PRKCH: variants seen among roughly 807,000 people sequenced by gnomAD.
PRKCH encodes the protein protein kinase C eta, also known as protein kinase C eta type.
PRKCH carries 28 observed loss-of-function variants against 82.5 expected under a neutral mutation model. The observed-to-expected ratio is 0.34, with a 90% CI of 0.25 to 0.47. The LOEUF (loss-of-function observed/expected upper bound fraction) is 0.47, where lower values mean the gene tolerates loss of function less well. Ranked by LOEUF, PRKCH falls within the 20% of genes least tolerant of loss-of-function variation. The pLI is 1.00. For synonymous variants in PRKCH, 322 were observed against 327.4 expected (o/e 0.98, Z 0.18); for missense variants, 705 against 881.8 (o/e 0.80, Z 2.54).
intron 2 of PRKCH, among the ~76,000 whole-genome samples, chr14:61,392,256 C>G (rs932582628): frequency 1.3e-5 from 2 of 152,038 alleles, no homozygotes; most frequent in African/African-American, 4.8e-5. Context: ...ATAACACTTT[C>G]ATTTATCTTG....
intron 2 of PRKCH, among the ~76,000 whole-genome samples, chr14:61,438,067 A>G (rs965716241): frequency 6.6e-6 from 1 of 152,142 alleles, no homozygotes; most frequent in Non-Finnish European, 1.5e-5. Flanking sequence ...CAAGTCCTCA[A>G]ATGGCCCTAT....
At position 61,189,399 on chromosome 14, in the gene PRKCH, T is replaced by A. The variant is rs1317027353; in HGVS notation, c.-19+1731T>A. Among the ~76,000 whole-genome samples, 7 of 67,466 alleles carry A rather than the reference T, an allele frequency of 1.0e-4. No homozygotes were observed. In the East Asian group the frequency reaches 2.9e-3, roughly 28 times the overall value. The allele number at this position is 67,466 out of a possible 152,430, so 44.3% of individuals were successfully genotyped here. On this transcript the variant is annotated intron_variant, in intron 1 of 3. Coordinates refer to the PRKCH transcript ENST00000555185. Reference sequence around the variant, plus strand: ...GGGATGGAAGTGTGCCCCGACTCTGTAAGATATTCCCCTTCTCGGAGTTGT... The same window carrying A: ...GGGATGGAAGTGTGCCCCGACTCTGAAAGATATTCCCCTTCTCGGAGTTGT...
chr14:61,447,384 C>T (rs1884278246), intron 4 of PRKCH, among the ~76,000 whole-genome samples: 1 of 152,120 alleles, frequency 6.6e-6, no homozygotes, highest in South Asian at 2.1e-4. Flanking sequence ...TTGATAGATC[C>T]AGCAGGCAGG....
At chr14:61,462,995 C>T (rs1885096866) in intron 9 of PRKCH, 1 of 152,256 alleles carries the variant, frequency 6.6e-6, no homozygotes. Flanking sequence ...GATTCAGCCT[C>T]GGCTTAAGCA....
chr14:61,232,499 G>A (rs2140060218), intron 1 of PRKCH, among the ~76,000 whole-genome samples: 1 of 152,348 alleles, frequency 6.6e-6, no homozygotes, highest in South Asian at 2.1e-4. Flanking sequence ...GGGATTACAG[G>A]CGTGAGCCAC....
intron 6 of PRKCH, among the ~76,000 whole-genome samples, chr14:61,451,972 T>C (rs1884530033): frequency 6.6e-6 from 1 of 152,162 alleles, no homozygotes; most frequent in Admixed American, 6.5e-5. Flanking sequence ...TTGTAGGGCG[T>C]TGGTCCAGGT....
rs1015198006 is a variant in PRKCH at position 61,322,454 on chromosome 14, T to A, written c.353T>A (p.Phe118Tyr). 3.8e-6 allele frequency: 6 copies of A among 1,595,636 alleles called. No homozygotes were observed. The highest frequency in any genetic ancestry group is 5.1e-6 in the Non-Finnish European group (6 of 1,165,470). Residue 118 changes from phenylalanine (F) to tyrosine (Y), a missense_variant, in exon 1 of 14, where the codon TTC (phenylalanine) becomes TAC (tyrosine). By Grantham distance (22) the Phe-to-Tyr change is conservative. Coordinates refer to ENST00000332981, the MANE Select transcript of PRKCH (RefSeq NM_006255.5). ...LLRTTGASDT[F>Y]EGWVDLEPEG... ...CGCACGACCGGCGCCTCGGACACCTTCGAGGGTTGGGTGAGTAGCGGTGAC... is the reference window on the plus strand; with the variant it reads ...CGCACGACCGGCGCCTCGGACACCTACGAGGGTTGGGTGAGTAGCGGTGAC...
At chr14:61,433,708 ATT>A (rs1278332820) in intron 2 of PRKCH, among the ~76,000 whole-genome samples, 3 of 152,242 alleles carry the variant, frequency 2.0e-5, no homozygotes, top group Admixed American at 2.0e-4. Context: ...TAACTTTAGT[ATT>A]AGTGGCTACA....
At chr14:61,391,385 G>T in intron 2 of PRKCH, 97 bp downstream of exon 2, 1 of 1,057,598 alleles carries the variant, frequency 9.5e-7, no homozygotes, top group Non-Finnish European at 1.3e-6. Flanking sequence ...AGAGCATGTT[G>T]TAAGAGATGC....
chr14:61,389,698 CAAAA>C (rs112924735), intron 1 of PRKCH, among the ~76,000 whole-genome samples: 1 of 104,782 alleles, frequency 9.5e-6, no homozygotes, highest in Non-Finnish European at 2.1e-5. Flanking sequence ...GACCCTGTCT[CAAAA>C]AAAAAAAAAA....
In PRKCH at chr14:61,280,974, G is replaced by A. The variant is rs1190195416; in HGVS notation, c.-19+93306G>A. 1 of 1,542,966 alleles carries A rather than the reference G, an allele frequency of 6.5e-7. No individual in the cohort carries two copies. The highest frequency in any genetic ancestry group is 8.7e-7 in the Non-Finnish European group (1 of 1,147,076). On this transcript the variant is annotated intron_variant, in intron 1 of 3. Transcript: ENST00000555185. This position sits in a 1 kb window ranked among gnomAD's most constrained non-coding sequence, Gnocchi z 5.0. ...AGTCGTACTCCAGCTCCTTGATGCC[G>A]TTGGAGGAGTAGTAGAGGCCCAGGC...
At chr14:61,318,197 C>T (rs1246553974), upstream of PRKCH, among the ~76,000 whole-genome samples, 2 of 151,914 alleles carry the variant, frequency 1.3e-5, no homozygotes, top group Admixed American at 6.6e-5. Flanking sequence ...CCTCAGCATC[C>T]GAGTAGCTGA....
At chr14:61,438,697 C>T (rs2140271026) in intron 2 of PRKCH, among the ~76,000 whole-genome samples, 1 of 152,216 alleles carries the variant, frequency 6.6e-6, no homozygotes, top group South Asian at 2.1e-4. Context: ...ACATGACCAA[C>T]ACAAGTTTCA....
chr14:61,336,274 A>G (rs1185114094), intron 1 of PRKCH, among the ~76,000 whole-genome samples: 1 of 152,144 alleles, frequency 6.6e-6, no homozygotes, highest in Non-Finnish European at 1.5e-5. Flanking sequence ...TTTTGCTTTT[A>G]ATGTAGGATT....
upstream of PRKCH, among the ~76,000 whole-genome samples, chr14:61,320,986 A>T (rs1224538396): frequency 6.6e-6 from 1 of 152,206 alleles, no homozygotes; most frequent in Non-Finnish European, 1.5e-5. Context: ...GTGCAACAAG[A>T]CACACCTTCC....
chr14:61,280,755 C>A lies in PRKCH; in HGVS notation c.-19+93087C>A. ...GCGCGCTGGGGAGTCCGCTCAGCTG[C>A]GCGTCGTCGCGGGACACGCCGTAGC... On this transcript the variant is annotated intron_variant, in intron 1 of 3. Coordinates refer to the PRKCH transcript ENST00000555185. The surrounding 1 kb of genome is among the most constrained non-coding windows in gnomAD (Gnocchi z 5.0). 6.4e-7 allele frequency: 1 copy of A among 1,560,300 alleles called. No individual in the cohort carries two copies. The highest frequency in any genetic ancestry group is 8.6e-7 in the Non-Finnish European group (1 of 1,160,828).
At chr14:61,430,427 C>T (rs1023059631) in intron 2 of PRKCH, among the ~76,000 whole-genome samples, 1 of 152,226 alleles carries the variant, frequency 6.6e-6, no homozygotes, top group Non-Finnish European at 1.5e-5. Context: ...CAGACCACTA[C>T]CTTGTTACCC....
At chr14:61,362,035 G>A (rs981699771) in intron 1 of PRKCH, among the ~76,000 whole-genome samples, 6 of 152,176 alleles carry the variant, frequency 3.9e-5, no homozygotes, top group African/African-American at 9.7e-5. Flanking sequence ...ACTAATTGCT[G>A]TATTATCTAA....
chr14:61,362,802 AGACAAGTCAGG>A (rs2046247218), intron 1 of PRKCH, among the ~76,000 whole-genome samples: 2 of 152,360 alleles, frequency 1.3e-5, no homozygotes, highest in African/African-American at 4.8e-5. Flanking sequence ...AGAGGTACAA[AGACAAGTCAGG>A]GATGGCATCT....
Sources: allele counts gnomAD v4.1 joint callset (sites outside exome capture counted in the v4.1 genomes callset), GRCh38; gene constraint gnomAD v4.1.1; non-coding constraint Gnocchi (gnomAD v3.1); transcripts MANE v1.5; gene names NCBI Gene and HGNC (gene_info 2026-07-23, HGNC 2026-07-21).